GTF2F2: variants seen among roughly 807,000 people sequenced by gnomAD.
The protein encoded by GTF2F2 is ATP-dependent helicase GTF2F2.
Under a neutral mutation model 42.2 loss-of-function variants are expected in GTF2F2, and 23 were observed. That is an observed-to-expected ratio of 0.55 (90% confidence interval 0.39 to 0.77). GTF2F2 has a LOEUF of 0.77. Ranked by LOEUF, GTF2F2 falls within the 30% of genes least tolerant of loss-of-function variation. GTF2F2 has a pLI of 0.00. For missense variants in GTF2F2, 261 were observed against 287.2 expected (o/e 0.91, Z 0.66); for synonymous variants, 105 against 100.8 (o/e 1.04, Z -0.25).
chr13:45,161,837 C>T (rs1187188399), intron 4 of GTF2F2, among the ~76,000 whole-genome samples: 1 of 152,172 alleles, frequency 6.6e-6, no homozygotes, highest in Non-Finnish European at 1.5e-5. Context: ...GAGCGAAACT[C>T]TGTCTCAAAA....
chr13:45,283,469 A>T lies in GTF2F2; in HGVS notation c.658A>T (p.Ile220Phe). The change falls in exon 8 of 8, where the codon ATT becomes TTT. Residue 220 changes from isoleucine to phenylalanine, a missense_variant. Ile to Phe is a conservative substitution (Grantham distance 21). Transcript: ENST00000340473. ...GTACCTGAAGGAAATCTTAAAAGAA[A>T]TTGGTGTTCAGAATGTAAAAGGGAT... is the stretch of plus-strand genomic sequence containing the variant. Reference protein sequence around the residue: ...VVYLKEILKEIGVQNVKGIHK... With the variant: ...VVYLKEILKEFGVQNVKGIHK... The T allele has an allele frequency of 6.2e-7, 1 of 1,612,248 alleles. No homozygotes were observed. Among genetic ancestry groups the T allele is most frequent in the East Asian group, 2.2e-5 (1 of 44,838 alleles).
chr13:45,252,270 G>C (rs1315156495), intron 5 of GTF2F2, among the ~76,000 whole-genome samples: 2 of 152,016 alleles, frequency 1.3e-5, no homozygotes, highest in African/African-American at 4.8e-5. Context: ...AGCCTCCTGA[G>C]TAACTAGGAC....
chr13:45,248,118 C>T (rs1401913658), intron 5 of GTF2F2, among the ~76,000 whole-genome samples: 1 of 152,196 alleles, frequency 6.6e-6, no homozygotes, highest in Non-Finnish European at 1.5e-5. Flanking sequence ...GCTGAGATTA[C>T]AGGCGTGAGC....
intron 4 of GTF2F2, among the ~76,000 whole-genome samples, chr13:45,154,695 T>C (rs575505618): frequency 3.9e-5 from 6 of 152,372 alleles, no homozygotes; most frequent in African/African-American, 1.2e-4. Context: ...TATATAAATA[T>C]GAATACATTT....
At position 45,178,340 on chromosome 13, in the gene GTF2F2, G is replaced by GCTGCTT. The variant is rs1555266766; in HGVS notation, c.304+26511_304+26512insGCTTCT. Among the ~76,000 whole-genome samples, 566 of 150,080 alleles carry GCTGCTT rather than the reference G, an allele frequency of 3.8e-3. 3 individuals carry two copies. Among genetic ancestry groups the GCTGCTT allele is most frequent in the Middle Eastern group, 0.017 (5 of 286 alleles). On this transcript the variant is annotated intron_variant, in intron 4 of 7. Coordinates refer to ENST00000340473, the MANE Select transcript of GTF2F2 (RefSeq NM_004128.3). ...ACTTGTCCAGTGAGGTTTAAATTAT[G>GCTGCTT]CTTCTTATTTTTTATTTCTAGATGT...
At chr13:45,206,966 T>A (rs1873437515) in intron 4 of GTF2F2, 1 of 152,584 alleles carries the variant, frequency 6.6e-6, no homozygotes, top group Admixed American at 6.5e-5. Flanking sequence ...GCTGGCTGTT[T>A]TAGTCACAAG....
chr13:45,126,668 G>A (rs889094770), intron 1 of GTF2F2, among the ~76,000 whole-genome samples: 2 of 134,336 alleles, frequency 1.5e-5, no homozygotes, highest in African/African-American at 6.6e-5. Flanking sequence ...AAACGGACAT[G>A]GTATATATAC....
intron 5 of GTF2F2, among the ~76,000 whole-genome samples, chr13:45,235,069 A>G (rs560937985): frequency 0.011 from 1,516 of 141,776 alleles, 29 homozygotes; most frequent in African/African-American, 0.035. Context: ...AAAAAAAAAA[A>G]AAGGTCATAG....
Position 45,151,820 on chromosome 13 carries a change from A to C in GTF2F2, c.293A>C (p.Glu98Ala). 1 of 1,488,906 alleles carries C rather than the reference A, an allele frequency of 6.7e-7. No homozygotes were observed. Among genetic ancestry groups the C allele is most frequent in the Non-Finnish European group, 9.1e-7 (1 of 1,104,434 alleles). The allele number at this position is 1,488,906 out of a possible 1,614,324, so 92.2% of individuals were successfully genotyped here. A position where few individuals can be genotyped will look rare whatever the true frequency, so the allele number is the denominator to read the frequency against. Residue 98 changes from glutamate (E) to alanine (A), a missense_variant, in exon 4 of 8, where the codon GAG (glutamate) becomes GCG (alanine). Coordinates refer to ENST00000340473, the MANE Select transcript of GTF2F2 (RefSeq NM_004128.3). ...GGACAGACATTAACAGTATTTACTG[A>C]GAGCTCATCAGGTAAGTGGGAATGG... ...VGGQTLTVFT[E>A]SSSDKLSLEG...
chr13:45,271,104 A>C (rs1876771319), intron 7 of GTF2F2, among the ~76,000 whole-genome samples: 1 of 152,078 alleles, frequency 6.6e-6, no homozygotes, highest in African/African-American at 2.4e-5. Context: ...TATCCTGGCT[A>C]ACACGGTGAA....
At position 45,149,776 on chromosome 13, in the gene GTF2F2, A is replaced by G. The variant is rs1376208645; in HGVS notation, c.147A>G (p.Gln49=). The change falls in exon 3 of 8, where the codon CAA becomes CAG. Residue 49 remains glutamine, a synonymous_variant. Transcript: ENST00000340473. The part of the protein sequence containing the change: ...EVGKLRIAKT[Q]GRTEVSFTLN... ...TTCTTTTCCTCTCCTTTAGGACTCAAGGAAGGACTGAGGTAAGATTATTTA... is the reference window on the plus strand; with the variant it reads ...TTCTTTTCCTCTCCTTTAGGACTCAGGGAAGGACTGAGGTAAGATTATTTA... 2.0e-6 allele frequency: 3 copies of G among 1,510,542 alleles called. No homozygotes were observed. The African/African-American group carries it at 4.3e-5, about 21-fold the overall frequency. 93.6% of individuals were successfully genotyped at this position (1,510,542 alleles called of 1,614,324 possible).
chr13:45,220,367 A>G lies in GTF2F2; in HGVS notation c.386+12862A>G, dbSNP rs1264275732. 2.6e-5 allele frequency among the ~76,000 whole-genome samples: 4 copies of G among 152,256 alleles called. No individual in the cohort carries two copies. In the East Asian group the frequency reaches 7.7e-4, roughly 29 times the overall value. On this transcript the variant is annotated intron_variant, in intron 5 of 7. Transcript: ENST00000340473. ...TAACATTAAAAAGCAACCAGATCTT[A>G]TGTTTCTTGGAAAATTGATCATACT...
In GTF2F2 at chr13:45,186,327, C is replaced by T. The variant is rs191112655; in HGVS notation, c.305-21097C>T. 1.5e-3 allele frequency among the ~76,000 whole-genome samples: 228 copies of T among 147,786 alleles called. 2 individuals carry two copies. The highest frequency in any genetic ancestry group is 2.9e-3 in the Non-Finnish European group (192 of 67,086). ...TTTTTTTTGAGACAGAGTCTGGCCC[C>T]GTCACCCAAACTGGAGTGTAATAGC... On this transcript the variant is annotated intron_variant, in intron 4 of 7. Coordinates refer to ENST00000340473, the MANE Select transcript of GTF2F2 (RefSeq NM_004128.3).
At position 45,148,569 on chromosome 13, in the gene GTF2F2, T is replaced by C. The variant is rs1870320643; in HGVS notation, c.141-1201T>C. Among the ~76,000 whole-genome samples the C allele has an allele frequency of 2.6e-5, 4 of 152,308 alleles. No individual in the cohort carries two copies. In the South Asian group the frequency reaches 8.3e-4, roughly 32 times the overall value. ...AGTTCCGTCTTTGTTGGGTCATTCCTTAACTCTTAAAATGGAAGAAATGGC... is the reference window on the plus strand; with the variant it reads ...AGTTCCGTCTTTGTTGGGTCATTCCCTAACTCTTAAAATGGAAGAAATGGC... On this transcript the variant is annotated intron_variant, in intron 2 of 7. Coordinates refer to ENST00000340473, the MANE Select transcript of GTF2F2 (RefSeq NM_004128.3).
intron 2 of GTF2F2, 113 bp downstream of exon 2, chr13:45,136,919 A>C: frequency 1.5e-6 from 1 of 678,008 alleles, no homozygotes; most frequent in Admixed American, 2.4e-5. Context: ...AATGACAAGT[A>C]ATGAGCATGT....
intron 4 of GTF2F2, among the ~76,000 whole-genome samples, chr13:45,184,914 C>T (rs545908409): frequency 2.6e-5 from 4 of 152,246 alleles, no homozygotes; most frequent in East Asian, 1.9e-4. Flanking sequence ...TGTGCTCAAG[C>T]GATCTTCCCA....
At chr13:45,253,813 C>T (rs1184643421) in intron 6 of GTF2F2, among the ~76,000 whole-genome samples, 1 of 152,162 alleles carries the variant, frequency 6.6e-6, no homozygotes, top group African/African-American at 2.4e-5. Flanking sequence ...CGGTGGCTCA[C>T]GCCTGTAATC....
chr13:45,250,610 A>G (rs1319878827), intron 5 of GTF2F2, among the ~76,000 whole-genome samples: 1 of 152,220 alleles, frequency 6.6e-6, no homozygotes, highest in Non-Finnish European at 1.5e-5. Context: ...GATAATTGAC[A>G]GCAAGAGGCT....
At chr13:45,271,641 T>C (rs1406686942) in intron 7 of GTF2F2, among the ~76,000 whole-genome samples, 1 of 151,684 alleles carries the variant, frequency 6.6e-6, no homozygotes, top group African/African-American at 2.4e-5. Flanking sequence ...AACCTCCACC[T>C]CCCGGGTTCA....
Sources: allele counts gnomAD v4.1 joint callset (sites outside exome capture counted in the v4.1 genomes callset), GRCh38; gene constraint gnomAD v4.1.1; transcripts MANE v1.5; gene names NCBI Gene and HGNC (gene_info 2026-07-23, HGNC 2026-07-21).